ITPR1: variants seen among roughly 807,000 people sequenced by gnomAD.
ITPR1 encodes inositol 1,4,5-trisphosphate receptor type 1, also known as inositol 1,4,5-trisphosphate-gated calcium channel ITPR1.
A neutral mutation model predicts 318.4 loss-of-function variants in ITPR1; 96 were observed. The observed-to-expected ratio is 0.30, with a 90% CI of 0.26 to 0.36. The LOEUF is 0.36. Ranked by LOEUF, ITPR1 falls within the 10% of genes least tolerant of loss-of-function variation. The probability of loss-of-function intolerance (pLI) is 1.00; values close to 1 mark genes in which losing one functional copy is unlikely to be tolerated. For synonymous variants in ITPR1, 1,312 were observed against 1,289.9 expected, an observed-to-expected ratio of 1.02 and a Z score of -0.37; for missense variants, 2,440 against 3,460.2, an observed-to-expected ratio of 0.71 and a Z score of 7.40.
In ITPR1 at chr3:4,692,331, T is replaced by C. The variant is rs146754425; in HGVS notation, c.4029+987T>C. Among the ~76,000 whole-genome samples the C allele has an allele frequency of 4.4e-3, 668 of 152,308 alleles. 6 individuals are homozygous for C. Among genetic ancestry groups the C allele is most frequent in the African/African-American group, 0.015 (626 of 41,560 alleles). On this transcript the variant is annotated intron_variant, in intron 32 of 61. Transcript: ENST00000649015. ...ATATGTGGGGTAAATGAGATAATGG[T>C]GACATTAATGCCTAACACTTTTTGG...
intron 44 of ITPR1, among the ~76,000 whole-genome samples, chr3:4,755,073 T>C (rs1168319825): frequency 6.6e-6 from 1 of 152,170 alleles, no homozygotes; most frequent in Non-Finnish European, 1.5e-5. Context: ...CTGACCTGCT[T>C]CTCTGAAATC....
At chr3:4,758,756 G>T (rs2045213549) in intron 44 of ITPR1, among the ~76,000 whole-genome samples, 1 of 152,156 alleles carries the variant, frequency 6.6e-6, no homozygotes, top group African/African-American at 2.4e-5. Context: ...CTGGAAGTCG[G>T]GAAACCTAAA....
chr3:4,580,103 G>T (rs895459976), intron 4 of ITPR1, among the ~76,000 whole-genome samples: 1 of 151,970 alleles, frequency 6.6e-6, no homozygotes, highest in Non-Finnish European at 1.5e-5. Context: ...CCAGCTACCC[G>T]GGAGGCTGAG....
At chr3:4,634,805 C>T (rs1416480362) in intron 5 of ITPR1, among the ~76,000 whole-genome samples, 1 of 152,212 alleles carries the variant, frequency 6.6e-6, no homozygotes, top group African/African-American at 2.4e-5. Flanking sequence ...GTGGTGCGAT[C>T]TTGGCTCACT....
At chr3:4,734,352 G>T (rs757553196) in intron 43 of ITPR1, among the ~76,000 whole-genome samples, 1 of 151,690 alleles carries the variant, frequency 6.6e-6, no homozygotes, top group Non-Finnish European at 1.5e-5. Flanking sequence ...AGCTGTAGCA[G>T]AGAGAATGTG....
At chr3:4,696,506 A>G (rs1461754330) in intron 33 of ITPR1, among the ~76,000 whole-genome samples, 1 of 152,198 alleles carries the variant, frequency 6.6e-6, no homozygotes, top group African/African-American at 2.4e-5. Context: ...TGTGTCCATC[A>G]GTCAGTTGAT....
chr3:4,776,571 G>A (rs1014788712), intron 47 of ITPR1, among the ~76,000 whole-genome samples: 4 of 152,190 alleles, frequency 2.6e-5, no homozygotes, highest in Admixed American at 1.3e-4. Flanking sequence ...GTCTGTGAAT[G>A]TGAGAATAGC....
At chr3:4,567,423 T>C (rs570636023) in intron 4 of ITPR1, among the ~76,000 whole-genome samples, 12 of 152,220 alleles carry the variant, frequency 7.9e-5, no homozygotes, top group Middle Eastern at 3.4e-3. Context: ...CAACTTTAAA[T>C]TGTTGTAGGA....
chr3:4,816,406 A>C (rs1269963163), intron 59 of ITPR1: 1 of 152,206 alleles, frequency 6.6e-6, no homozygotes, highest in Admixed American at 6.5e-5. Context: ...TTCTCATTGC[A>C]TCGTATCAGG....
chr3:4,818,665 C>T (rs936998836), intron 60 of ITPR1, among the ~76,000 whole-genome samples: 3 of 152,152 alleles, frequency 2.0e-5, no homozygotes, highest in Non-Finnish European at 2.9e-5. Flanking sequence ...CACTGCAGTC[C>T]AGCATGGTTT....
chr3:4,735,182 G>C lies in ITPR1; in HGVS notation c.5372G>C (p.Ser1791Thr). ...PGGGGGGSGSSSMSRGEMSLA... is the reference protein window; with the variant it reads ...PGGGGGGSGSTSMSRGEMSLA... Reference sequence around the variant, plus strand: ...TTCTTAGGGGGAGGTTCCGGATCCAGCTCTATGAGCAGGGGTGAGATGAGT... The same window carrying C: ...TTCTTAGGGGGAGGTTCCGGATCCACCTCTATGAGCAGGGGTGAGATGAGT... Residue 1791 changes from serine (S) to threonine (T), a missense_variant, in exon 44 of 62, where the codon AGC (serine) becomes ACC (threonine). Ser to Thr is a moderately conservative substitution (Grantham distance 58). Coordinates refer to ENST00000649015, the MANE Select transcript of ITPR1 (RefSeq NM_001378452.1). 1 of 1,613,636 alleles carries C rather than the reference G, an allele frequency of 6.2e-7. No homozygotes were observed. Among genetic ancestry groups the C allele is most frequent in the South Asian group, 1.1e-5 (1 of 91,074 alleles).
intron 44 of ITPR1, among the ~76,000 whole-genome samples, chr3:4,757,327 A>G (rs1304943211): frequency 6.6e-6 from 1 of 152,176 alleles, no homozygotes; most frequent in Non-Finnish European, 1.5e-5. Flanking sequence ...CAGCTTGCAG[A>G]AGGGGATTGT....
At chr3:4,697,310 TGA>T (rs748904491) in intron 34 of ITPR1, 38 bp downstream of exon 34, 26 of 1,341,794 alleles carry the variant, frequency 1.9e-5, no homozygotes, top group Non-Finnish European at 2.4e-5. Context: ...AGTTGGAGAG[TGA>T]GAGGTGTGTG....
At chr3:4,789,410 G>A (rs992513766) in intron 52 of ITPR1, among the ~76,000 whole-genome samples, 1 of 152,158 alleles carries the variant, frequency 6.6e-6, no homozygotes, top group Non-Finnish European at 1.5e-5. Flanking sequence ...GGAAACTTTT[G>A]CAGAGCACCA....
intron 51 of ITPR1, among the ~76,000 whole-genome samples, chr3:4,787,444 C>G (rs569721563): frequency 9.9e-5 from 15 of 151,008 alleles, no homozygotes; most frequent in African/African-American, 3.6e-4. Flanking sequence ...CCTGTAATCC[C>G]AGCATTTTGG....
intron 4 of ITPR1, among the ~76,000 whole-genome samples, chr3:4,616,472 C>G (rs1447446959): frequency 1.3e-5 from 2 of 152,104 alleles, no homozygotes; most frequent in Non-Finnish European, 2.9e-5. Flanking sequence ...ATTCTCTTTC[C>G]TCTTATCCTT....
intron 46 of ITPR1, among the ~76,000 whole-genome samples, chr3:4,773,400 A>G (rs1207479007): frequency 6.6e-6 from 1 of 152,250 alleles, no homozygotes; most frequent in Non-Finnish European, 1.5e-5. Flanking sequence ...AGTTTGAGAG[A>G]CAGGTGTTAT....
At chr3:4,728,128 G>T (rs1390528263) in intron 42 of ITPR1, among the ~76,000 whole-genome samples, 1 of 152,220 alleles carries the variant, frequency 6.6e-6, no homozygotes, top group Non-Finnish European at 1.5e-5. Context: ...ATGAATGTGT[G>T]CATCTTTGAA....
At chr3:4,560,524 T>C (rs1482664176) in intron 4 of ITPR1, among the ~76,000 whole-genome samples, 1 of 152,226 alleles carries the variant, frequency 6.6e-6, no homozygotes, top group Admixed American at 6.5e-5. Flanking sequence ...TTAAATCATG[T>C]GTTTATGGAA....
Sources: gnomAD v4.1 joint callset for allele counts (sites outside exome capture counted in the v4.1 genomes callset) on GRCh38, gnomAD v4.1.1 for gene constraint, MANE v1.5 for transcripts, NCBI Gene and HGNC (gene_info 2026-07-23, HGNC 2026-07-21) for gene names.